EPS15: variants seen among roughly 807,000 people sequenced by gnomAD.
The protein encoded by EPS15 is epidermal growth factor receptor pathway substrate 15.
Under a neutral mutation model 113.8 loss-of-function variants are expected in EPS15, and 72 were observed. The ratio of observed to expected loss-of-function variants is 0.63; its 90% CI spans 0.52 to 0.77. The LOEUF is 0.77. EPS15 is among the 30% of genes least tolerant of loss of function. The pLI, the probability that EPS15 is intolerant of heterozygous loss-of-function variation, is 0.00. For missense variants in EPS15, 1,048 were observed against 1,045.8 expected (o/e 1.00, Z -0.03); for synonymous variants, 344 against 363.4 (o/e 0.95, Z 0.61).
intron 12 of EPS15, among the ~76,000 whole-genome samples, chr1:51,439,261 A>G (rs1271103553): frequency 6.6e-6 from 1 of 152,074 alleles, no homozygotes; most frequent in African/African-American, 2.4e-5. Context: ...CAAGTCAATA[A>G]ATTTCACTCT....
intron 21 of EPS15, among the ~76,000 whole-genome samples, chr1:51,390,231 A>T (rs1647230556): frequency 6.6e-6 from 1 of 152,198 alleles, no homozygotes; most frequent in Admixed American, 6.5e-5. Context: ...TCCCTATTTA[A>T]TAAATGGTGC....
At chr1:51,374,469 T>A (rs2148367631) in intron 21 of EPS15, among the ~76,000 whole-genome samples, 1 of 152,158 alleles carries the variant, frequency 6.6e-6, no homozygotes, top group African/African-American at 2.4e-5. Flanking sequence ...CCGGGCGTGG[T>A]GGCGGATGCC....
At chr1:51,369,677 G>A (rs893681133) in intron 21 of EPS15, among the ~76,000 whole-genome samples, 4 of 151,988 alleles carry the variant, frequency 2.6e-5, no homozygotes, top group African/African-American at 4.8e-5. Context: ...ATGCTGATAC[G>A]GTTTTTTGTG....
chr1:51,503,873 CA>C (rs1237667253), intron 1 of EPS15, among the ~76,000 whole-genome samples: 4 of 152,028 alleles, frequency 2.6e-5, no homozygotes, highest in African/African-American at 9.7e-5. Flanking sequence ...GCTGGAATAC[CA>C]TGTCACAAGC....
At chr1:51,357,194 A>G (rs563358769) in intron 24 of EPS15, among the ~76,000 whole-genome samples, 1 of 151,328 alleles carries the variant, frequency 6.6e-6, no homozygotes, top group South Asian at 2.1e-4. Flanking sequence ...CTTGGCCAAC[A>G]TGGCAAAACT....
intron 1 of EPS15, among the ~76,000 whole-genome samples, chr1:51,486,635 C>T (rs190421103): frequency 6.6e-6 from 1 of 152,150 alleles, no homozygotes; most frequent in East Asian, 1.9e-4. Context: ...CAAAAGGACA[C>T]TGCCTGTGAA....
In EPS15 at chr1:51,371,751, T is replaced by C. The variant is rs145244813; in HGVS notation, c.2120-5722A>G. On this transcript the variant is annotated intron_variant, in intron 21 of 24. Coordinates refer to ENST00000371733, the MANE Select transcript of EPS15 (RefSeq NM_001981.3). Reference sequence around the variant, plus strand: ...GTGCAAGTGTACAGTGTTTATAAAGTTTACAACAATGTACAGTGATGTCTT... The same window carrying C: ...GTGCAAGTGTACAGTGTTTATAAAGCTTACAACAATGTACAGTGATGTCTT... Among the ~76,000 whole-genome samples, 14 of 152,312 alleles carry C rather than the reference T, an allele frequency of 9.2e-5. No homozygotes were observed. The East Asian group carries it at 2.7e-3, about 29-fold the overall frequency.
chr1:51,491,614 T>A (rs1488622641), intron 1 of EPS15, among the ~76,000 whole-genome samples: 2 of 151,950 alleles, frequency 1.3e-5, no homozygotes, highest in African/African-American at 4.8e-5. Context: ...ACAAGGAAAA[T>A]AGAAACCGGA....
intron 1 of EPS15, among the ~76,000 whole-genome samples, chr1:51,514,721 C>G (rs1348854679): frequency 6.6e-6 from 1 of 152,108 alleles, no homozygotes; most frequent in African/African-American, 2.4e-5. Flanking sequence ...TAGATTATTC[C>G]TGAGAGACTT....
chr1:51,481,615 G>A (rs1644021999), intron 1 of EPS15, among the ~76,000 whole-genome samples: 1 of 152,084 alleles, frequency 6.6e-6, no homozygotes, highest in Admixed American at 6.5e-5. Context: ...AACAAATTGA[G>A]AATGAAATGC....
chr1:51,374,997 T>C (rs1401174822), intron 21 of EPS15, among the ~76,000 whole-genome samples: 1 of 94,572 alleles, frequency 1.1e-5, no homozygotes, highest in East Asian at 2.3e-4. Flanking sequence ...AATATACTTC[T>C]TTTTTTTTTT....
At chr1:51,359,656 G>A (rs1027245317) in intron 24 of EPS15, among the ~76,000 whole-genome samples, 2 of 151,622 alleles carry the variant, frequency 1.3e-5, no homozygotes, top group Non-Finnish European at 2.9e-5. Flanking sequence ...TACTCGGGAG[G>A]CTGAGGCAGG....
intron 2 of EPS15, among the ~76,000 whole-genome samples, chr1:51,480,921 T>A (rs1570397221): frequency 2.6e-5 from 4 of 152,332 alleles, no homozygotes; most frequent in African/African-American, 9.6e-5. Context: ...TGTATAAAAG[T>A]CATGTTTTTC....
intron 1 of EPS15, among the ~76,000 whole-genome samples, chr1:51,517,764 C>T (rs1426876763): frequency 6.6e-6 from 1 of 152,118 alleles, no homozygotes; most frequent in Non-Finnish European, 1.5e-5. Flanking sequence ...ACAACCACCA[C>T]CACCATCAAA....
chr1:51,492,634 A>G, intron 1 of EPS15, among the ~76,000 whole-genome samples: 1 of 152,196 alleles, frequency 6.6e-6, no homozygotes, highest in South Asian at 2.1e-4. Flanking sequence ...GAATGAAAGC[A>G]AAGTATAGCT....
At position 51,440,938 on chromosome 1, in the gene EPS15, T is replaced by G. The variant is rs575211638; in HGVS notation, c.955-506A>C. Among the ~76,000 whole-genome samples, 4 of 152,220 alleles carry G rather than the reference T, an allele frequency of 2.6e-5. No individual in the cohort carries two copies. The South Asian group carries it at 8.3e-4, about 32-fold the overall frequency. On this transcript the variant is annotated intron_variant, in intron 11 of 24. Coordinates refer to ENST00000371733, the MANE Select transcript of EPS15 (RefSeq NM_001981.3). ...TTGTTACATACTGTGTCTATTTTAT[T>G]TAAAGTAAAACCAACTGCTCAAGCA...
intron 12 of EPS15, among the ~76,000 whole-genome samples, chr1:51,424,829 G>C (rs1372473467): frequency 6.6e-6 from 1 of 152,064 alleles, no homozygotes; most frequent in Non-Finnish European, 1.5e-5. Flanking sequence ...CTTGAACTCA[G>C]AAGGCGGAAG....
At chr1:51,437,946 G>A (rs1485179803) in intron 12 of EPS15, among the ~76,000 whole-genome samples, 1 of 151,976 alleles carries the variant, frequency 6.6e-6, no homozygotes, top group Non-Finnish European at 1.5e-5. Flanking sequence ...AAAATTAAAG[G>A]CTGAAGAATT....
At chr1:51,400,455 G>A (rs1196417109) in intron 19 of EPS15, among the ~76,000 whole-genome samples, 3 of 152,092 alleles carry the variant, frequency 2.0e-5, no homozygotes, top group Non-Finnish European at 4.4e-5. Flanking sequence ...AGCACTTTGG[G>A]AGGCTGAGGC....
Sources: allele counts gnomAD v4.1 joint callset (sites outside exome capture counted in the v4.1 genomes callset), GRCh38; gene constraint gnomAD v4.1.1; transcripts MANE v1.5; gene names NCBI Gene and HGNC (gene_info 2026-07-23, HGNC 2026-07-21).